GFRA1: variants seen among roughly 807,000 people sequenced by gnomAD.
GFRA1 encodes the protein GDNF family receptor alpha-1.
GFRA1 carries 16 observed loss-of-function variants against 51.6 expected under a neutral mutation model. The ratio of observed to expected loss-of-function variants is 0.31; its 90% CI spans 0.21 to 0.47. The LOEUF is 0.47. GFRA1 is among the 20% of genes least tolerant of loss of function. The pLI is 1.00. For synonymous variants in GFRA1, 270 were observed against 241.3 expected (o/e 1.12, Z -1.10); for missense variants, 530 against 594.3 (o/e 0.89, Z 1.13).
At chr10:116,211,709 T>G in intron 4 of GFRA1, 64 bp from the exon 5 acceptor site, 1 of 1,292,036 alleles carries the variant, frequency 7.7e-7, no homozygotes, top group Non-Finnish European at 1.1e-6. Flanking sequence ...AAAATATTAA[T>G]AATAATGTTG....
intron 5 of GFRA1, among the ~76,000 whole-genome samples, chr10:116,156,066 G>A (rs1437292521): frequency 1.1e-4 from 17 of 152,132 alleles, no homozygotes; most frequent in Admixed American, 1.1e-3. Flanking sequence ...GGCCTCTTTC[G>A]CCACTGAAAG....
chr10:116,236,207 T>TGCA (rs1198051940), intron 4 of GFRA1, among the ~76,000 whole-genome samples: 5 of 152,110 alleles, frequency 3.3e-5, no homozygotes, highest in African/African-American at 1.2e-4. Flanking sequence ...CAGCCCATGG[T>TGCA]GCCCAAGGGG....
chr10:116,224,016 T>C (rs1177717487), intron 4 of GFRA1, among the ~76,000 whole-genome samples: 1 of 152,206 alleles, frequency 6.6e-6, no homozygotes, highest in Non-Finnish European at 1.5e-5. Context: ...GGGTGCCATC[T>C]TGGAAACAGA....
chr10:116,270,708 C>A, intron 3 of GFRA1, 114 bp downstream of exon 3: 1 of 853,712 alleles, frequency 1.2e-6, no homozygotes, highest in Non-Finnish European at 1.9e-6. Flanking sequence ...GAAAGGTCCT[C>A]ACTCTGCAGC....
intron 9 of GFRA1, among the ~76,000 whole-genome samples, chr10:116,082,107 TAAC>T (rs1181445669): frequency 6.6e-6 from 1 of 152,198 alleles, no homozygotes; most frequent in Non-Finnish European, 1.5e-5. Flanking sequence ...TGTTTCATGT[TAAC>T]AACTGCATCA....
At chr10:116,188,220 G>C (rs1962912465) in intron 5 of GFRA1, among the ~76,000 whole-genome samples, 1 of 152,130 alleles carries the variant, frequency 6.6e-6, no homozygotes, top group African/African-American at 2.4e-5. Flanking sequence ...TGGGATGGGG[G>C]GTCAACCCCA....
At chr10:116,172,632 A>G (rs1179033731) in intron 5 of GFRA1, among the ~76,000 whole-genome samples, 1 of 152,188 alleles carries the variant, frequency 6.6e-6, no homozygotes, top group Non-Finnish European at 1.5e-5. Flanking sequence ...GGAAGCGGCC[A>G]GGCAGGGCAC....
At chr10:116,202,220 AGT>A (rs1037208304) in intron 5 of GFRA1, among the ~76,000 whole-genome samples, 1 of 152,166 alleles carries the variant, frequency 6.6e-6, no homozygotes, top group African/African-American at 2.4e-5. Flanking sequence ...GTGGGAGAAA[AGT>A]GCTAACAGAA....
chr10:116,249,529 G>A (rs1045500006), intron 4 of GFRA1, among the ~76,000 whole-genome samples: 4 of 152,130 alleles, frequency 2.6e-5, no homozygotes, highest in African/African-American at 7.2e-5. Context: ...GTCTGCTTGA[G>A]ATGAGTTTTC....
Position 116,272,011 on chromosome 10 carries a change from A to G in GFRA1, c.19T>C (p.Tyr7His). MFLATL[Y>H]FALPLLDLLL... is the part of the protein sequence containing the mutation. ...TTACCCAAGAGCGGCAGCGCGAAGT[A>G]CAGGGTCGCCAGGAACATGGTGCCG... The change falls in exon 2 of 11, where the codon TAC (tyrosine) becomes CAC (histidine). Residue 7 changes from tyrosine to histidine, a missense_variant. Coordinates refer to ENST00000355422, the MANE Select transcript of GFRA1 (RefSeq NM_005264.8). This position sits in a 1 kb window ranked among gnomAD's most constrained non-coding sequence, Gnocchi z 4.4. 1 of 1,558,476 alleles carries G rather than the reference A, an allele frequency of 6.4e-7. No homozygotes were observed. Among genetic ancestry groups the G allele is most frequent in the Non-Finnish European group, 8.7e-7 (1 of 1,151,932 alleles).
chr10:116,226,471 G>A (rs761392493), intron 4 of GFRA1, among the ~76,000 whole-genome samples: 1 of 152,116 alleles, frequency 6.6e-6, no homozygotes, highest in African/African-American at 2.4e-5. Flanking sequence ...GGCTTTGCAT[G>A]TCATCCGTGA....
intron 6 of GFRA1, among the ~76,000 whole-genome samples, chr10:116,124,124 C>T (rs929338878): frequency 1.3e-5 from 2 of 152,126 alleles, no homozygotes; most frequent in Non-Finnish European, 2.9e-5. Context: ...AGGCAGGTCT[C>T]GAACTCCCGA....
chr10:116,138,594 C>T (rs1013439167), intron 5 of GFRA1, among the ~76,000 whole-genome samples: 1 of 151,990 alleles, frequency 6.6e-6, no homozygotes, highest in African/African-American at 2.4e-5. Context: ...CCCTAGAACA[C>T]ATACTTCCAA....
intron 5 of GFRA1, among the ~76,000 whole-genome samples, chr10:116,199,250 G>A (rs924006970): frequency 5.3e-5 from 8 of 152,172 alleles, no homozygotes; most frequent in Non-Finnish European, 1.0e-4. Context: ...AGCCTACTCT[G>A]CAGCCATCCC....
intron 5 of GFRA1, among the ~76,000 whole-genome samples, chr10:116,157,258 T>C (rs923795422): frequency 6.6e-6 from 1 of 152,238 alleles, no homozygotes; most frequent in Non-Finnish European, 1.5e-5. Flanking sequence ...AATCAAATTG[T>C]CTTCAATGTC....
intron 5 of GFRA1, among the ~76,000 whole-genome samples, chr10:116,129,116 T>C (rs902108797): frequency 1.3e-5 from 2 of 152,240 alleles, no homozygotes; most frequent in African/African-American, 4.8e-5. Flanking sequence ...GGTGAACATC[T>C]GACTTCCTTT....
intron 5 of GFRA1, among the ~76,000 whole-genome samples, chr10:116,203,342 G>T (rs1964487677): frequency 6.6e-6 from 1 of 152,196 alleles, no homozygotes; most frequent in Non-Finnish European, 1.5e-5. Context: ...GACATCAGGG[G>T]TTCAAGCAGC....
At chr10:116,168,411 A>G (rs1392926624) in intron 5 of GFRA1, among the ~76,000 whole-genome samples, 1 of 152,202 alleles carries the variant, frequency 6.6e-6, no homozygotes, top group Non-Finnish European at 1.5e-5. Flanking sequence ...CCATGTGATC[A>G]AAACAGAGTT....
intron 5 of GFRA1, among the ~76,000 whole-genome samples, chr10:116,128,541 C>G (rs1266336754): frequency 6.6e-6 from 1 of 151,872 alleles, no homozygotes; most frequent in East Asian, 2.0e-4. Flanking sequence ...CTGACTAACA[C>G]AGTGAAACCC....
Sources: allele counts gnomAD v4.1 joint callset (sites outside exome capture counted in the v4.1 genomes callset), GRCh38; gene constraint gnomAD v4.1.1; non-coding constraint Gnocchi (gnomAD v3.1); transcripts MANE v1.5; gene names NCBI Gene and HGNC (gene_info 2026-07-23, HGNC 2026-07-21).